The following RHOH variants were observed in gnomAD, a reference collection of about 807,000 sequenced individuals.
The protein encoded by RHOH is rho-related GTP-binding protein RhoH.
Under a neutral mutation model 13.8 loss-of-function variants are expected in RHOH, and 6 were observed. The ratio of observed to expected loss-of-function variants is 0.44; its 90% CI spans 0.24 to 0.86. The LOEUF (loss-of-function observed/expected upper bound fraction) is 0.86. Among genes scored for constraint, RHOH ranks in the 40% least tolerant of loss-of-function variants. RHOH has a pLI of 0.24. For missense variants in RHOH, 147 were observed against 244.5 expected (o/e 0.60, Z 2.66); for synonymous variants, 117 against 103.0 (o/e 1.14, Z -0.82).
Position 40,243,850 on chromosome 4 carries a change from G to A in RHOH, c.464G>A (p.Ser155Asn), listed in dbSNP as rs1729563766. ...AKGYLECSAL[S>N]NRGVQQVFEC... ...GGCTACCTGGAGTGCTCAGCCCTTA[G>A]CAATCGGGGAGTACAGCAGGTGTTT... The change falls in exon 3 of 3, where the codon AGC (serine) becomes AAC (asparagine). Residue 155 changes from serine (S) to asparagine (N), a missense_variant. By Grantham distance (46) the Ser-to-Asn change is conservative. Coordinates refer to ENST00000381799, the MANE Select transcript of RHOH (RefSeq NM_004310.5). This position sits in a 1 kb window ranked among gnomAD's most constrained non-coding sequence, Gnocchi z 6.2. The A allele has an allele frequency of 6.2e-7, 1 of 1,614,092 alleles. No homozygotes were observed. The highest frequency in any genetic ancestry group is 1.3e-5 in the African/African-American group (1 of 74,952).
intron 1 of RHOH, among the ~76,000 whole-genome samples, chr4:40,211,472 C>G (rs902013537): frequency 6.6e-6 from 1 of 152,084 alleles, no homozygotes; most frequent in Non-Finnish European, 1.5e-5. Flanking sequence ...CGGGCTTTCA[C>G]TATGTTGGCC....
intron 1 of RHOH, among the ~76,000 whole-genome samples, chr4:40,207,931 A>C (rs1396810082): frequency 6.6e-6 from 1 of 152,176 alleles, no homozygotes; most frequent in African/African-American, 2.4e-5. Flanking sequence ...ATGCCACTGC[A>C]CTCCAGCCTG....
chr4:40,197,707 G>C (rs55697050), intron 1 of RHOH, among the ~76,000 whole-genome samples: 1 of 152,100 alleles, frequency 6.6e-6, no homozygotes, highest in Admixed American at 6.5e-5. Flanking sequence ...AAACAGAACC[G>C]AAGTCTAAAT....
At chr4:40,206,317 C>A (rs984091954) in intron 1 of RHOH, among the ~76,000 whole-genome samples, 2 of 152,130 alleles carry the variant, frequency 1.3e-5, no homozygotes, top group East Asian at 3.8e-4. Flanking sequence ...CCCTTTCTTG[C>A]ATTTTTTTTT....
chr4:40,194,659 A>G (rs1722941713), upstream of RHOH, among the ~76,000 whole-genome samples: 1 of 152,212 alleles, frequency 6.6e-6, no homozygotes. Context: ...TATAGGCGTG[A>G]GCCACTGCGC....
chr4:40,215,577 A>G (rs1462543807), intron 1 of RHOH, among the ~76,000 whole-genome samples: 1 of 152,132 alleles, frequency 6.6e-6, no homozygotes, highest in Non-Finnish European at 1.5e-5. Flanking sequence ...AGGGGGTGGA[A>G]TTACTTCTGA....
intron 1 of RHOH, among the ~76,000 whole-genome samples, chr4:40,234,015 G>C (rs1728263871): frequency 6.6e-6 from 1 of 152,130 alleles, no homozygotes; most frequent in Admixed American, 6.5e-5. Context: ...AAAACCAGGT[G>C]GCGGGCTGGA....
chr4:40,219,303 A>G (rs192686754), intron 1 of RHOH, among the ~76,000 whole-genome samples: 15 of 151,590 alleles, frequency 9.9e-5, no homozygotes, highest in African/African-American at 3.4e-4. Flanking sequence ...TCCCAGCTAC[A>G]TGGGAGGCTG....
At chr4:40,199,209 A>C (rs1295416221) in intron 1 of RHOH, among the ~76,000 whole-genome samples, 1 of 152,092 alleles carries the variant, frequency 6.6e-6, no homozygotes, top group Non-Finnish European at 1.5e-5. Context: ...TATGTAAAGC[A>C]TGTAGCCTAG....
In RHOH at chr4:40,243,407, C is replaced by T. The variant is rs373809098; in HGVS notation, c.21C>T (p.Cys7=). The T allele has an allele frequency of 8.8e-6, 14 of 1,597,176 alleles. No homozygotes were observed. The highest frequency in any genetic ancestry group is 1.7e-5 in the Admixed American group (1 of 58,158). The change falls in exon 3 of 3, where the codon TGC becomes TGT. Residue 7 remains cysteine (C), a synonymous_variant. Coordinates refer to ENST00000381799, the MANE Select transcript of RHOH (RefSeq NM_004310.5). The surrounding 1 kb of genome is among the most constrained non-coding windows in gnomAD (Gnocchi z 6.2). Reference sequence around the variant, plus strand: ...GGAAGATGCTGAGTTCCATCAAGTGCGTGTTGGTGGGCGACTCTGCTGTGG... The same window carrying T: ...GGAAGATGCTGAGTTCCATCAAGTGTGTGTTGGTGGGCGACTCTGCTGTGG... MLSSIK[C]VLVGDSAVGK...
chr4:40,236,892 C>G (rs938856509), intron 1 of RHOH, among the ~76,000 whole-genome samples: 1 of 151,996 alleles, frequency 6.6e-6, no homozygotes, highest in Non-Finnish European at 1.5e-5. Context: ...AAATACGGAA[C>G]TAACCCAAAG....
intron 1 of RHOH, among the ~76,000 whole-genome samples, chr4:40,224,732 T>C (rs1727018496): frequency 6.6e-6 from 1 of 152,194 alleles, no homozygotes; most frequent in Middle Eastern, 3.2e-3. Context: ...ACATAAACAA[T>C]GATAGCACAG....
chr4:40,214,750 G>A (rs1337751136), intron 1 of RHOH, among the ~76,000 whole-genome samples: 3 of 152,194 alleles, frequency 2.0e-5, no homozygotes, highest in Non-Finnish European at 4.4e-5. Context: ...GACTTCCCCA[G>A]TTTTGATCCC....
At chr4:40,193,441 T>C (rs577695590), upstream of RHOH, among the ~76,000 whole-genome samples, 1 of 125,618 alleles carries the variant, frequency 8.0e-6, no homozygotes, top group African/African-American at 3.0e-5. Flanking sequence ...CCCTCACCAC[T>C]ACCCCTGTCG....
At position 40,243,823 on chromosome 4, in the gene RHOH, A is replaced by C. The variant is rs1729560219; in HGVS notation, c.437A>C (p.Lys146Thr). 1.9e-6 allele frequency: 3 copies of C among 1,614,168 alleles called. No homozygotes were observed. Among genetic ancestry groups the C allele is most frequent in the Non-Finnish European group, 2.5e-6 (3 of 1,180,012 alleles). The change falls in exon 3 of 3, where the codon AAG (lysine) becomes ACG (threonine). Residue 146 changes from lysine (K) to threonine (T), a missense_variant. Physicochemically the swap from Lys to Thr is moderately conservative, Grantham distance 78 (BLOSUM62 -1). This residue lies in a region of RHOH where 31 missense variants were observed against 61.8 expected (regional missense o/e 0.50). Coordinates refer to ENST00000381799, the MANE Select transcript of RHOH (RefSeq NM_004310.5). This position sits in a 1 kb window ranked among gnomAD's most constrained non-coding sequence, Gnocchi z 6.2. ...AAACTGGCCCAGGATGTCAGAGCCA[A>C]GGGCTACCTGGAGTGCTCAGCCCTT... ...GKKLAQDVRA[K>T]GYLECSALSN...
At chr4:40,208,890 T>A (rs1260638121) in intron 1 of RHOH, among the ~76,000 whole-genome samples, 1 of 151,928 alleles carries the variant, frequency 6.6e-6, no homozygotes, top group Non-Finnish European at 1.5e-5. Flanking sequence ...ATTTATAATA[T>A]AAAAAGGCCT....
At chr4:40,228,299 T>C (rs987081376) in intron 1 of RHOH, among the ~76,000 whole-genome samples, 3 of 152,194 alleles carry the variant, frequency 2.0e-5, no homozygotes, top group Non-Finnish European at 4.4e-5. Flanking sequence ...ATGCTAATAT[T>C]TTACAGCTTT....
upstream of RHOH, chr4:40,193,708 T>A (rs2109327755): frequency 6.6e-6 from 1 of 152,588 alleles, no homozygotes; most frequent in East Asian, 1.9e-4. Context: ...CGCTGGACTG[T>A]ACCAGATCAT....
At chr4:40,205,239 G>A (rs562475852) in intron 1 of RHOH, among the ~76,000 whole-genome samples, 1 of 152,250 alleles carries the variant, frequency 6.6e-6, no homozygotes, top group East Asian at 1.9e-4. Flanking sequence ...ACTGCAGTCT[G>A]GGCAACAAAG....
Sources: gnomAD v4.1 joint callset for allele counts (sites outside exome capture counted in the v4.1 genomes callset) on GRCh38, gnomAD v4.1.1 for gene constraint, gnomAD v4.1.1 regional missense constraint, Gnocchi (gnomAD v3.1) non-coding constraint, MANE v1.5 for transcripts, NCBI Gene and HGNC (gene_info 2026-07-23, HGNC 2026-07-21) for gene names.